The following TMEM108 variants were observed in gnomAD, a reference collection of about 807,000 sequenced individuals.
TMEM108 encodes transmembrane protein 108.
Under a neutral mutation model 35.1 loss-of-function variants are expected in TMEM108, and 12 were observed. The observed-to-expected ratio is 0.34, with a 90% CI of 0.22 to 0.55. TMEM108 has a LOEUF of 0.55. Ranked by LOEUF, TMEM108 falls within the 20% of genes least tolerant of loss-of-function variation. The probability of loss-of-function intolerance (pLI) is 0.89; values close to 1 mark genes in which losing one functional copy is unlikely to be tolerated. For synonymous variants in TMEM108, 287 were observed against 308.6 expected (o/e 0.93, Z 0.73); for missense variants, 680 against 753.3 (o/e 0.90, Z 1.14).
intron 2 of TMEM108, among the ~76,000 whole-genome samples, chr3:133,116,193 G>A (rs753187821): frequency 2.0e-5 from 3 of 152,046 alleles, no homozygotes; most frequent in Non-Finnish European, 2.9e-5. Context: ...TCATTTCTCT[G>A]GGGCATTGTC....
At chr3:133,085,224 G>T (rs1362013261) in intron 2 of TMEM108, among the ~76,000 whole-genome samples, 1 of 152,096 alleles carries the variant, frequency 6.6e-6, no homozygotes, top group Non-Finnish European at 1.5e-5. Context: ...AGAGTCTCTT[G>T]CCTCTTTATC....
intron 3 of TMEM108, among the ~76,000 whole-genome samples, chr3:133,325,746 TA>T (rs1023926633): frequency 4.7e-5 from 7 of 149,806 alleles, no homozygotes; most frequent in Admixed American, 2.7e-4. Context: ...AAAATAAAAA[TA>T]AAAAATATAT....
chr3:133,264,664 G>A (rs1946672489), intron 3 of TMEM108, among the ~76,000 whole-genome samples: 1 of 152,130 alleles, frequency 6.6e-6, no homozygotes, highest in Admixed American at 6.5e-5. Flanking sequence ...TTTTGGAACA[G>A]TCCATGAAGC....
intron 2 of TMEM108, among the ~76,000 whole-genome samples, chr3:133,160,193 G>A (rs960893770): frequency 1.3e-5 from 2 of 152,204 alleles, no homozygotes; most frequent in African/African-American, 4.8e-5. Flanking sequence ...GGGTCACTCA[G>A]CCTCAGTTAA....
At chr3:133,382,378 A>C (rs766179562) in intron 4 of TMEM108, among the ~76,000 whole-genome samples, 2 of 152,234 alleles carry the variant, frequency 1.3e-5, no homozygotes, top group Non-Finnish European at 2.9e-5. Context: ...AAACATTTGA[A>C]ACAGCTCTGA....
chr3:133,180,588 T>A (rs1945321354), intron 2 of TMEM108, among the ~76,000 whole-genome samples: 1 of 152,172 alleles, frequency 6.6e-6, no homozygotes, highest in Admixed American at 6.6e-5. Flanking sequence ...TTCCCCAAAC[T>A]AATTCCTAAT....
At chr3:133,200,596 G>A (rs183973685) in intron 2 of TMEM108, among the ~76,000 whole-genome samples, 123 of 152,152 alleles carry the variant, frequency 8.1e-4, no homozygotes, top group African/African-American at 2.0e-3. Flanking sequence ...AACTTTTAGC[G>A]GATTTAAAGG....
chr3:133,044,442 T>C (rs1384312964), intron 1 of TMEM108, among the ~76,000 whole-genome samples: 1 of 152,210 alleles, frequency 6.6e-6, no homozygotes, highest in African/African-American at 2.4e-5. Flanking sequence ...TATAATCAAT[T>C]AGTGCCAGGA....
chr3:133,290,839 A>G (rs2107695185), intron 3 of TMEM108, among the ~76,000 whole-genome samples: 1 of 152,300 alleles, frequency 6.6e-6, no homozygotes, highest in South Asian at 2.1e-4. Flanking sequence ...ATGAGGGAAC[A>G]AAGGTAATAA....
chr3:133,368,692 T>G (rs1471758969), intron 3 of TMEM108, among the ~76,000 whole-genome samples: 1 of 152,242 alleles, frequency 6.6e-6, no homozygotes, highest in Non-Finnish European at 1.5e-5. Flanking sequence ...TACTGCTTGC[T>G]TTCATTGACA....
intron 2 of TMEM108, among the ~76,000 whole-genome samples, chr3:133,212,282 C>T (rs187954704): frequency 3.9e-5 from 6 of 152,272 alleles, no homozygotes; most frequent in Admixed American, 3.9e-4. Context: ...ATCTAAATAT[C>T]CGGATTTCTG....
At chr3:133,199,705 G>T (rs948779318) in intron 2 of TMEM108, among the ~76,000 whole-genome samples, 1 of 152,060 alleles carries the variant, frequency 6.6e-6, no homozygotes. Flanking sequence ...CTACTGGGAG[G>T]TGCCTCCCAG....
chr3:133,064,249 T>C (rs998224219), intron 2 of TMEM108, among the ~76,000 whole-genome samples: 4 of 152,286 alleles, frequency 2.6e-5, no homozygotes, highest in Non-Finnish European at 5.9e-5. Flanking sequence ...AGAGATTCCA[T>C]AGTACAAGCC....
chr3:133,196,555 C>T (rs775722981), intron 2 of TMEM108, among the ~76,000 whole-genome samples: 1 of 152,156 alleles, frequency 6.6e-6, no homozygotes, highest in African/African-American at 2.4e-5. Context: ...CAGTTTTCTT[C>T]TGGGAGTCTA....
chr3:133,264,318 C>A (rs966457259), intron 3 of TMEM108, among the ~76,000 whole-genome samples: 2 of 151,068 alleles, frequency 1.3e-5, no homozygotes, highest in Non-Finnish European at 3.0e-5. Flanking sequence ...AAAAAAAATT[C>A]ACCCGAAGAA....
intron 3 of TMEM108, among the ~76,000 whole-genome samples, chr3:133,372,147 G>A (rs2072695187): frequency 6.6e-6 from 1 of 152,172 alleles, no homozygotes; most frequent in South Asian, 2.1e-4. Flanking sequence ...TGCATTTGGG[G>A]AAAGATTTGT....
chr3:133,127,390 C>G (rs1470932738), intron 2 of TMEM108, among the ~76,000 whole-genome samples: 3 of 152,230 alleles, frequency 2.0e-5, no homozygotes, highest in African/African-American at 2.4e-5. Context: ...TTTTCCTTCA[C>G]TTCCACATGT....
chr3:133,266,933 A>AT (rs1946705763), intron 3 of TMEM108, among the ~76,000 whole-genome samples: 2 of 139,220 alleles, frequency 1.4e-5, no homozygotes, highest in Non-Finnish European at 1.6e-5. Flanking sequence ...AAAAAAAAAA[A>AT]GCCGGGCGTG....
chr3:133,129,770 C>T (rs1346265180), intron 2 of TMEM108, among the ~76,000 whole-genome samples: 3 of 151,970 alleles, frequency 2.0e-5, no homozygotes, highest in Admixed American at 1.3e-4. Flanking sequence ...GGTATTATTT[C>T]CATATTACAG....
Sources: gnomAD v4.1 joint callset for allele counts (sites outside exome capture counted in the v4.1 genomes callset) on GRCh38, gnomAD v4.1.1 for gene constraint, MANE v1.5 for transcripts, NCBI Gene and HGNC (gene_info 2026-07-23, HGNC 2026-07-21) for gene names.